The following LRP1B variants were observed in gnomAD, a reference collection of about 807,000 sequenced individuals.
The protein encoded by LRP1B is LDL receptor related protein 1B, also known as low-density lipoprotein receptor-related protein 1B.
LRP1B carries 217 observed loss-of-function variants against 556.6 expected under a neutral mutation model. That is an observed-to-expected ratio of 0.39 (90% CI 0.35 to 0.44). The LOEUF is 0.44. LRP1B is among the 20% of genes least tolerant of loss of function. The pLI, the probability that LRP1B is intolerant of heterozygous loss-of-function variation, is 1.00. For synonymous variants in LRP1B, 2,047 were observed against 1,865.8 expected (o/e 1.10, Z -2.50); for missense variants, 5,053 against 5,620.8 (o/e 0.90, Z 3.23).
intron 7 of LRP1B, among the ~76,000 whole-genome samples, chr2:141,082,885 C>T (rs1372270833): frequency 1.3e-5 from 2 of 152,226 alleles, no homozygotes; most frequent in Admixed American, 6.5e-5. Flanking sequence ...CTGTAATGAG[C>T]ATGGGCCAAA....
intron 2 of LRP1B, among the ~76,000 whole-genome samples, chr2:141,481,234 G>T (rs564952974): frequency 6.6e-6 from 1 of 151,974 alleles, no homozygotes; most frequent in Non-Finnish European, 1.5e-5. Flanking sequence ...CAGAACATAG[G>T]GTCTTTTCTC....
At chr2:141,493,077 T>A (rs72849692) in intron 2 of LRP1B, among the ~76,000 whole-genome samples, 2,766 of 152,228 alleles carry the variant, frequency 0.018, 44 homozygotes, top group Non-Finnish European at 0.029. Context: ...TATTAAATCT[T>A]CACAATAACA....
intron 2 of LRP1B, among the ~76,000 whole-genome samples, chr2:141,695,730 A>C (rs1691714019): frequency 6.6e-6 from 1 of 151,962 alleles, no homozygotes; most frequent in Admixed American, 6.6e-5. Context: ...AAAAACCCAA[A>C]AACCAGATGA....
intron 85 of LRP1B, 43 bp from the exon 86 acceptor site, chr2:140,270,389 C>A (rs540712490): frequency 8.2e-7 from 1 of 1,220,194 alleles, no homozygotes; most frequent in Non-Finnish European, 1.2e-6. Flanking sequence ...TTGTTATTGG[C>A]AACATTATTG....
At chr2:140,285,371 A>T (rs551179215) in intron 84 of LRP1B, among the ~76,000 whole-genome samples, 5 of 150,992 alleles carry the variant, frequency 3.3e-5, no homozygotes, top group African/African-American at 1.2e-4. Context: ...ACACATACAT[A>T]TATATACACA....
intron 23 of LRP1B, among the ~76,000 whole-genome samples, chr2:140,896,042 G>T (rs1573854524): frequency 6.6e-6 from 1 of 152,162 alleles, no homozygotes; most frequent in East Asian, 1.9e-4. Context: ...CAAGCTTGAG[G>T]GTGGGGACCT....
intron 23 of LRP1B, among the ~76,000 whole-genome samples, chr2:140,889,506 G>T (rs1559176855): frequency 6.6e-6 from 1 of 152,148 alleles, no homozygotes; most frequent in Non-Finnish European, 1.5e-5. Context: ...ATGTTGGCCA[G>T]GATGGTCTTG....
intron 84 of LRP1B, among the ~76,000 whole-genome samples, chr2:140,288,753 C>T (rs1045351986): frequency 7.9e-5 from 12 of 151,486 alleles, no homozygotes; most frequent in Non-Finnish European, 1.6e-4. Context: ...GGACAGATTT[C>T]CCAACAGATA....
chr2:141,713,360 G>A (rs1478365039), intron 2 of LRP1B, among the ~76,000 whole-genome samples: 4 of 152,150 alleles, frequency 2.6e-5, no homozygotes, highest in Non-Finnish European at 5.9e-5. Context: ...ATTTTAAAAT[G>A]TAGTTTTAAT....
At chr2:141,295,462 G>A (rs1686144796) in intron 3 of LRP1B, among the ~76,000 whole-genome samples, 2 of 151,994 alleles carry the variant, frequency 1.3e-5, no homozygotes, top group Non-Finnish European at 2.9e-5. Flanking sequence ...TCAATTTAGG[G>A]AGGAAAAAAA....
intron 1 of LRP1B, among the ~76,000 whole-genome samples, chr2:141,957,381 T>G: frequency 6.7e-5 from 1 of 14,940 alleles, no homozygotes. Context: ...TGTTTGTGTG[T>G]GTGGGGGGGG....
At chr2:140,462,708 G>A (rs1687372765) in intron 60 of LRP1B, among the ~76,000 whole-genome samples, 1 of 152,146 alleles carries the variant, frequency 6.6e-6, no homozygotes, top group Non-Finnish European at 1.5e-5. Context: ...AGGGCAAAGA[G>A]GCAAAGCCAG....
chr2:141,426,650 T>C (rs1274242438), intron 3 of LRP1B, among the ~76,000 whole-genome samples: 1 of 152,216 alleles, frequency 6.6e-6, no homozygotes, highest in African/African-American at 2.4e-5. Flanking sequence ...TTTGGCTTTG[T>C]TTTCTTCTAA....
intron 1 of LRP1B, among the ~76,000 whole-genome samples, chr2:141,881,644 T>A (rs909623081): frequency 1.3e-5 from 2 of 151,952 alleles, no homozygotes; most frequent in Admixed American, 6.6e-5. Flanking sequence ...TGTAAAATTT[T>A]AAAAAATATA....
At chr2:141,363,160 C>T (rs1179422142) in intron 3 of LRP1B, among the ~76,000 whole-genome samples, 1 of 152,128 alleles carries the variant, frequency 6.6e-6, no homozygotes, top group Non-Finnish European at 1.5e-5. Flanking sequence ...ATATGACATA[C>T]TTCTTTGTCT....
intron 66 of LRP1B, among the ~76,000 whole-genome samples, chr2:140,414,669 T>C (rs1036139220): frequency 6.6e-6 from 1 of 152,222 alleles, no homozygotes; most frequent in Non-Finnish European, 1.5e-5. Context: ...ATGCCTGTCT[T>C]TAATCTCTTA....
chr2:140,540,178 G>A (rs1680080209), intron 45 of LRP1B, among the ~76,000 whole-genome samples: 1 of 152,058 alleles, frequency 6.6e-6, no homozygotes, highest in Non-Finnish European at 1.5e-5. Flanking sequence ...GAAAAGATAT[G>A]AGATGAGGAT....
rs756992522 is a variant in LRP1B, at chr2:140,358,134, A to G, written c.11258-18T>C. 5.6e-6 allele frequency: 9 copies of G among 1,606,300 alleles called. No homozygotes were observed. Among genetic ancestry groups the G allele is most frequent in the African/African-American group, 1.3e-5 (1 of 74,736 alleles). On this transcript the variant is annotated intron_variant, in intron 73 of 90. Transcript: ENST00000389484. ...CAGCTTACCTATAGAGTCATACAAA[A>G]AATGATTAGTGCTTCACAGAATCAA...
chr2:141,579,723 A>ATTTTTTTTTTTT (rs1559153915), intron 2 of LRP1B, among the ~76,000 whole-genome samples: 8 of 31,140 alleles, frequency 2.6e-4, no homozygotes, highest in African/African-American at 4.8e-4. Flanking sequence ...ATCAGGTTTC[A>ATTTTTTTTTTTT]CTTTTTTTTT....
Sources: allele counts gnomAD v4.1 joint callset (sites outside exome capture counted in the v4.1 genomes callset), GRCh38; gene constraint gnomAD v4.1.1; transcripts MANE v1.5; gene names NCBI Gene and HGNC (gene_info 2026-07-23, HGNC 2026-07-21).